LBH: variants seen among roughly 807,000 people sequenced by gnomAD.
LBH encodes protein LBH.
A neutral mutation model predicts 12.5 loss-of-function variants in LBH; 7 were observed. The observed-to-expected ratio is 0.56, with a 90% CI of 0.32 to 1.05. The LOEUF (loss-of-function observed/expected upper bound fraction) is 1.05, where lower values mean the gene tolerates loss of function less well. Among genes scored for constraint, LBH ranks in the 50% least tolerant of loss-of-function variants. LBH has a pLI of 0.04. For synonymous variants in LBH, 51 were observed against 50.1 expected (o/e 1.02, Z -0.08); for missense variants, 119 against 138.9 (o/e 0.86, Z 0.72).
At chr2:30,253,530 C>T (rs1159563569) in intron 2 of LBH, among the ~76,000 whole-genome samples, 3 of 152,240 alleles carry the variant, frequency 2.0e-5, no homozygotes, top group South Asian at 2.1e-4. Context: ...GTGCTTGCTT[C>T]GAGCAATTCA....
chr2:30,242,939 A>G (rs1261171885), intron 2 of LBH, among the ~76,000 whole-genome samples: 2 of 152,256 alleles, frequency 1.3e-5, no homozygotes, highest in Non-Finnish European at 2.9e-5. Context: ...GAGATTCAAC[A>G]TCATTAAGCC....
At chr2:30,246,800 A>ACTCC (rs1677879262) in intron 2 of LBH, among the ~76,000 whole-genome samples, 1 of 108,378 alleles carries the variant, frequency 9.2e-6, no homozygotes, top group Admixed American at 1.0e-4. Context: ...TTCCTTCCTC[A>ACTCC]CTCACTCCCT....
intron 2 of LBH, among the ~76,000 whole-genome samples, chr2:30,234,998 G>C (rs919220453): frequency 2.6e-5 from 4 of 152,174 alleles, no homozygotes; most frequent in African/African-American, 9.7e-5. Flanking sequence ...TTATTGACCT[G>C]TTGATTCAGA....
At chr2:30,233,054 A>C (rs998867757) in intron 1 of LBH, 3 of 152,230 alleles carry the variant, frequency 2.0e-5, no homozygotes, top group Non-Finnish European at 4.4e-5. Context: ...GTGGTGTGTG[A>C]GCAGCTAGGT....
chr2:30,244,271 C>G (rs541486176), intron 2 of LBH, among the ~76,000 whole-genome samples: 4 of 151,748 alleles, frequency 2.6e-5, no homozygotes, highest in Non-Finnish European at 5.9e-5. Flanking sequence ...GCATCAGGAA[C>G]CTTCCTGACT....
chr2:30,259,494 G>T lies in LBH; in HGVS notation c.*1873G>T. ...GGTTCATCCATACTCTCATTCCCTC[G>T]CCTCCCCTTGTGGACGGGGGTCTTG... On this transcript the variant is annotated 3_prime_UTR_variant, in exon 3 of 3. Transcript: ENST00000395323. 1 of 152,978 alleles carries T rather than the reference G, an allele frequency of 6.5e-6. No homozygotes were observed. The allele number at this position is 152,978 out of a possible 1,614,324, so 9.5% of individuals were successfully genotyped here. A position where few individuals can be genotyped will look rare whatever the true frequency, so the allele number is the denominator to read the frequency against.
At chr2:30,239,301 G>A (rs991871172) in intron 2 of LBH, among the ~76,000 whole-genome samples, 6 of 152,156 alleles carry the variant, frequency 3.9e-5, no homozygotes, top group African/African-American at 9.7e-5. Context: ...AACAGGTGAC[G>A]GGTTAAGCCC....
At chr2:30,245,960 C>CT (rs11345537) in intron 2 of LBH, among the ~76,000 whole-genome samples, 412 of 140,012 alleles carry the variant, frequency 2.9e-3, no homozygotes, top group African/African-American at 7.6e-3. Context: ...CTTACATAGT[C>CT]TTTTTTTTTT....
intron 2 of LBH, among the ~76,000 whole-genome samples, chr2:30,252,673 A>C (rs949121787): frequency 2.6e-5 from 4 of 152,206 alleles, no homozygotes; most frequent in African/African-American, 9.7e-5. Context: ...AAAAAAAAAA[A>C]AACCTCTTTC....
intron 2 of LBH, among the ~76,000 whole-genome samples, chr2:30,249,957 G>A (rs1677951220): frequency 6.6e-6 from 1 of 152,184 alleles, no homozygotes; most frequent in Non-Finnish European, 1.5e-5. Context: ...TGGCTCTCAA[G>A]GCACAGCACT....
In LBH at chr2:30,257,750, A is replaced by C; in HGVS notation, c.*129A>C. ...ATGTCAAACGAGGCTTCTGTTTTGC[A>C]CCTGCAGATCACCGAGTTGGTTTTC... On this transcript the variant is annotated 3_prime_UTR_variant, in exon 3 of 3. Coordinates refer to ENST00000395323, the MANE Select transcript of LBH (RefSeq NM_030915.4). 3.2e-6 allele frequency: 2 copies of C among 633,100 alleles called. No individual in the cohort carries two copies. The highest frequency in any genetic ancestry group is 1.9e-5 in the African/African-American group (1 of 51,908). The allele number at this position is 633,100 out of a possible 1,614,324, so 39.2% of individuals were successfully genotyped here. A position where few individuals can be genotyped will look rare whatever the true frequency, so the allele number is the denominator to read the frequency against.
intron 2 of LBH, 148 bp from the exon 3 acceptor site, chr2:30,257,285 C>G (rs1678102083): frequency 1.3e-6 from 1 of 783,350 alleles, no homozygotes; most frequent in African/African-American, 1.7e-5. Flanking sequence ...TGGCTCCCAC[C>G]TTATATACTC....
At chr2:30,235,175 C>A (rs1677668101) in intron 2 of LBH, among the ~76,000 whole-genome samples, 1 of 152,156 alleles carries the variant, frequency 6.6e-6, no homozygotes. Flanking sequence ...CTTACCCCAG[C>A]CCTCTCTCTG....
intron 2 of LBH, among the ~76,000 whole-genome samples, chr2:30,244,991 C>G (rs77322712): frequency 0.077 from 11,685 of 152,210 alleles, 1,503 homozygotes; most frequent in African/African-American, 0.26. Context: ...CAGTTATATA[C>G]TAATAGCTGC....
At chr2:30,256,758 C>T (rs1457641132) in intron 2 of LBH, 1 of 153,036 alleles carries the variant, frequency 6.5e-6, no homozygotes, top group Non-Finnish European at 1.5e-5. Context: ...GATCTCCTGA[C>T]CTCGTGATCC....
chr2:30,237,261 CAGGCTTGTG>C (rs890144801), intron 2 of LBH, among the ~76,000 whole-genome samples: 189 of 152,344 alleles, frequency 1.2e-3, no homozygotes, highest in African/African-American at 4.4e-3. Flanking sequence ...AATAGGATCT[CAGGCTTGTG>C]ATTTGACCTT....
At chr2:30,246,715 C>CGCTAAA (rs1182746555) in intron 2 of LBH, among the ~76,000 whole-genome samples, 1 of 103,598 alleles carries the variant, frequency 9.7e-6, no homozygotes, top group Non-Finnish European at 2.0e-5. Flanking sequence ...TTTGGTACTT[C>CGCTAAA]ACTAGTTTTT....
chr2:30,247,318 A>G (rs956273865), intron 2 of LBH, among the ~76,000 whole-genome samples: 1 of 152,222 alleles, frequency 6.6e-6, no homozygotes, highest in East Asian at 1.9e-4. Flanking sequence ...GACTCATTTC[A>G]TTATACAATA....
At position 30,250,930 on chromosome 2, in the gene LBH, C is replaced by G. The variant is rs115631753; in HGVS notation, c.130-6503C>G. Among the ~76,000 whole-genome samples, 411 of 151,862 alleles carry G rather than the reference C, an allele frequency of 2.7e-3. 2 individuals are homozygous for G. The highest frequency in any genetic ancestry group is 8.1e-3 in the African/African-American group (334 of 41,398). ...TCCAACGAGGCAGCCACTCGCCACA[C>G]AGGGCCATTTAAGGTTACATTAAAT... On this transcript the variant is annotated intron_variant, in intron 2 of 2. Coordinates refer to ENST00000395323, the MANE Select transcript of LBH (RefSeq NM_030915.4).
Sources: allele counts gnomAD v4.1 joint callset (sites outside exome capture counted in the v4.1 genomes callset), GRCh38; gene constraint gnomAD v4.1.1; transcripts MANE v1.5; gene names NCBI Gene and HGNC (gene_info 2026-07-23, HGNC 2026-07-21).